The following SLC35F4 variants were observed in gnomAD, a reference collection of about 807,000 sequenced individuals.
SLC35F4 encodes chromosome 14 open reading frame 36.
In SLC35F4, 24 loss-of-function variants were observed where a neutral mutation model predicts 44.2. The observed-to-expected ratio is 0.54, with a 90% CI of 0.39 to 0.76. The LOEUF (loss-of-function observed/expected upper bound fraction) is 0.76. Among genes scored for constraint, SLC35F4 ranks in the 30% least tolerant of loss-of-function variants. SLC35F4 has a pLI of 0.00. For missense variants in SLC35F4, 562 were observed against 586.1 expected (o/e 0.96, Z 0.42); for synonymous variants, 238 against 223.6 (o/e 1.06, Z -0.57).
intron 1 of SLC35F4, among the ~76,000 whole-genome samples, chr14:57,930,338 T>C (rs1416878331): frequency 6.6e-6 from 1 of 152,188 alleles, no homozygotes; most frequent in African/African-American, 2.4e-5. Flanking sequence ...TGGCATCTTC[T>C]GACTTCCTTG....
intron 1 of SLC35F4, among the ~76,000 whole-genome samples, chr14:57,936,197 T>G (rs1204433128): frequency 6.6e-6 from 1 of 152,216 alleles, no homozygotes; most frequent in Non-Finnish European, 1.5e-5. Context: ...TTGCTAAGCT[T>G]GAAGAACATA....
intron 1 of SLC35F4, among the ~76,000 whole-genome samples, chr14:57,742,214 C>T (rs111277748): frequency 0.016 from 2,435 of 152,294 alleles, 79 homozygotes; most frequent in African/African-American, 0.056. Flanking sequence ...ATCAAATTCA[C>T]ACATAACAGT....
intron 1 of SLC35F4, among the ~76,000 whole-genome samples, chr14:57,950,924 C>A (rs1451196011): frequency 1.3e-5 from 2 of 152,068 alleles, no homozygotes; most frequent in African/African-American, 4.8e-5. Context: ...CTTGGCCTAC[C>A]AAAGTCCTGG....
chr14:57,692,569 T>A (rs748754354), intron 1 of SLC35F4, among the ~76,000 whole-genome samples: 26 of 152,158 alleles, frequency 1.7e-4, no homozygotes, highest in Non-Finnish European at 3.5e-4. Context: ...TTCAAGAGAT[T>A]CCCTGGCACT....
intron 1 of SLC35F4, among the ~76,000 whole-genome samples, chr14:57,920,524 G>A (rs1889420776): frequency 2.0e-5 from 3 of 152,172 alleles, no homozygotes; most frequent in African/African-American, 7.2e-5. Flanking sequence ...AATGAGCAAT[G>A]ATCACACGAT....
chr14:57,923,980 T>C (rs1889495061), intron 1 of SLC35F4, among the ~76,000 whole-genome samples: 1 of 152,208 alleles, frequency 6.6e-6, no homozygotes, highest in Non-Finnish European at 1.5e-5. Context: ...GGGTCTTTCC[T>C]GTGCTGTTCT....
intron 1 of SLC35F4, among the ~76,000 whole-genome samples, chr14:57,734,846 C>T (rs2076425724): frequency 1.3e-5 from 2 of 152,300 alleles, no homozygotes; most frequent in East Asian, 1.9e-4. Context: ...TTCCAGGTGA[C>T]TTCATTGCCT....
chr14:57,680,957 T>C (rs1566757478), intron 1 of SLC35F4, among the ~76,000 whole-genome samples: 1 of 152,092 alleles, frequency 6.6e-6, no homozygotes, highest in Non-Finnish European at 1.5e-5. Flanking sequence ...AAGTGATTTA[T>C]AAATTCAATG....
chr14:57,798,635 A>C (rs1054025114), intron 1 of SLC35F4, among the ~76,000 whole-genome samples: 10 of 152,196 alleles, frequency 6.6e-5, no homozygotes, highest in African/African-American at 1.9e-4. Flanking sequence ...TGAAGAGACA[A>C]TGTTTCAGCA....
At chr14:57,622,332 G>A (rs994626208) in intron 1 of SLC35F4, among the ~76,000 whole-genome samples, 3 of 143,608 alleles carry the variant, frequency 2.1e-5, no homozygotes, top group Admixed American at 7.2e-5. Context: ...ATACCCAAAG[G>A]ACTATAAATC....
intron 1 of SLC35F4, among the ~76,000 whole-genome samples, chr14:57,715,232 T>G (rs778291457): frequency 1.3e-5 from 2 of 151,992 alleles, no homozygotes; most frequent in African/African-American, 2.4e-5. Context: ...TGCAGAAGAA[T>G]GCAAGAGGAA....
intron 1 of SLC35F4, 41 bp downstream of exon 1, chr14:57,865,682 C>T (rs945685975): frequency 6.7e-7 from 1 of 1,489,956 alleles, no homozygotes; most frequent in South Asian, 1.2e-5. Context: ...GCGCCCACCT[C>T]CCTTCCCCGC....
Position 57,773,563 on chromosome 14 carries a change from T to G in SLC35F4, c.103+92160A>C, listed in dbSNP as rs79001681. On this transcript the variant is annotated intron_variant, in intron 1 of 7. Transcript: ENST00000556826. ...ATTGGGAAAATTAGCCTACTATATT[T>G]GGCTACAACTTTTCCAGTGTAGATC... Among the ~76,000 whole-genome samples the G allele has an allele frequency of 8.4e-3, 1,275 of 152,280 alleles. 18 individuals carry two copies. Among genetic ancestry groups the G allele is most frequent in the African/African-American group, 0.029 (1,203 of 41,564 alleles).
chr14:57,931,498 C>T (rs886870774), intron 1 of SLC35F4, among the ~76,000 whole-genome samples: 1 of 152,156 alleles, frequency 6.6e-6, no homozygotes, highest in Non-Finnish European at 1.5e-5. Context: ...GGACACCTGG[C>T]TTGAGGATGT....
chr14:57,943,740 C>T lies in SLC35F4; in HGVS notation n.282+38173G>A, dbSNP rs58318909. On this transcript the variant is annotated intron_variant and non_coding_transcript_variant, in intron 1 of 1. Transcript: ENST00000556568. ...TGTAATACTATTCGATTCAGTTAAC[C>T]GCCAGTGCTGGTTCTAATTCTAAAT... is the stretch of plus-strand genomic sequence containing the variant. Among the ~76,000 whole-genome samples, 596 of 152,304 alleles carry T rather than the reference C, an allele frequency of 3.9e-3. 6 individuals are homozygous for T. The highest frequency in any genetic ancestry group is 0.013 in the African/African-American group (559 of 41,572).
chr14:57,598,827 A>C (rs1380103846), intron 1 of SLC35F4, among the ~76,000 whole-genome samples: 1 of 152,144 alleles, frequency 6.6e-6, no homozygotes, highest in African/African-American at 2.4e-5. Context: ...TGGTGCCTAA[A>C]CCTAAAGGTA....
chr14:57,633,389 C>T (rs978570217), intron 1 of SLC35F4, among the ~76,000 whole-genome samples: 2 of 152,138 alleles, frequency 1.3e-5, no homozygotes, highest in African/African-American at 2.4e-5. Flanking sequence ...TGCTCTCCAG[C>T]ATTTGATGTT....
intron 1 of SLC35F4, among the ~76,000 whole-genome samples, chr14:57,751,595 T>C (rs75723057): frequency 0.039 from 5,903 of 152,290 alleles, 133 homozygotes; most frequent in African/African-American, 0.068. Context: ...CTAGTGCTTC[T>C]AGACTGTGTT....
chr14:57,707,181 G>T (rs2075698181), intron 1 of SLC35F4, among the ~76,000 whole-genome samples: 1 of 152,178 alleles, frequency 6.6e-6, no homozygotes, highest in African/African-American at 2.4e-5. Flanking sequence ...TGGGTAGCTG[G>T]ATGATGAAGA....
Sources: gnomAD v4.1 joint callset for allele counts (sites outside exome capture counted in the v4.1 genomes callset) on GRCh38, gnomAD v4.1.1 for gene constraint, MANE v1.5 for transcripts, NCBI Gene and HGNC (gene_info 2026-07-23, HGNC 2026-07-21) for gene names.